The following B4GALNT3 variants were observed in gnomAD, a reference collection of about 807,000 sequenced individuals.
The protein encoded by B4GALNT3 is beta-1,4-N-acetylgalactosaminyltransferase 3.
In B4GALNT3, 86 loss-of-function variants were observed where a neutral mutation model predicts 120.2. The observed-to-expected ratio is 0.72, with a 90% CI of 0.60 to 0.86. The LOEUF (loss-of-function observed/expected upper bound fraction) is 0.86. Ranked by LOEUF, B4GALNT3 falls within the 40% of genes least tolerant of loss-of-function variation. The pLI, the probability that B4GALNT3 is intolerant of heterozygous loss-of-function variation, is 0.00. For synonymous variants in B4GALNT3, 518 were observed against 510.4 expected (o/e 1.01, Z -0.20); for missense variants, 1,167 against 1,298.9 (o/e 0.90, Z 1.56).
intron 1 of B4GALNT3, among the ~76,000 whole-genome samples, chr12:489,858 CG>C (rs1407569283): frequency 1.3e-5 from 2 of 152,148 alleles, no homozygotes; most frequent in African/African-American, 4.8e-5. Context: ...TGACCATATT[CG>C]GGGTGGTAAA....
At chr12:512,803 CCTT>C (rs1161526418) in intron 1 of B4GALNT3, among the ~76,000 whole-genome samples, 4 of 150,150 alleles carry the variant, frequency 2.7e-5, no homozygotes, top group African/African-American at 2.4e-5. Context: ...CCGCCTTCCA[CCTT>C]CTTCCACCTT....
chr12:482,890 CA>C (rs1156555404), intron 1 of B4GALNT3, among the ~76,000 whole-genome samples: 1 of 152,118 alleles, frequency 6.6e-6, no homozygotes, highest in Non-Finnish European at 1.5e-5. Flanking sequence ...AGAAAGTGTA[CA>C]CAGGTGTTAT....
chr12:548,176 T>C lies in B4GALNT3; in HGVS notation c.787-55T>C. 6.2e-7 allele frequency: 1 copy of C among 1,608,490 alleles called. No individual in the cohort carries two copies. The highest frequency in any genetic ancestry group is 2.2e-5 in the East Asian group (1 of 44,854). On this transcript the variant is annotated intron_variant, in intron 8 of 19. Transcript: ENST00000266383. This position sits in a 1 kb window ranked among gnomAD's most constrained non-coding sequence, Gnocchi z 4.9. ...ATCTCCCCTTGTCCCTTGACCCCTG[T>C]TGGAAATCCAGCTACCTCCCACCTT...
chr12:528,495 G>A (rs1946777948), intron 1 of B4GALNT3, among the ~76,000 whole-genome samples: 1 of 152,218 alleles, frequency 6.6e-6, no homozygotes, highest in African/African-American at 2.4e-5. Flanking sequence ...AACCGTTACT[G>A]TTGTATTACT....
At chr12:469,497 AC>A (rs1946114307) in intron 1 of B4GALNT3, among the ~76,000 whole-genome samples, 2 of 152,078 alleles carry the variant, frequency 1.3e-5, no homozygotes, top group South Asian at 4.2e-4. Context: ...TGTGTCCAGT[AC>A]CCCAGCATTA....
At chr12:461,403 T>C (rs1946021396) in intron 1 of B4GALNT3, among the ~76,000 whole-genome samples, 1 of 152,200 alleles carries the variant, frequency 6.6e-6, no homozygotes, top group African/African-American at 2.4e-5. Context: ...TCAATAGGTA[T>C]GGCTGTGCGA....
intron 1 of B4GALNT3, among the ~76,000 whole-genome samples, chr12:494,158 T>C (rs1192708484): frequency 6.6e-6 from 1 of 151,964 alleles, no homozygotes; most frequent in Non-Finnish European, 1.5e-5. Flanking sequence ...TTGTCCCAGC[T>C]ACTCGGGAGG....
At chr12:558,210 C>A (rs1239394075) in intron 17 of B4GALNT3, 122 bp downstream of exon 17, 10 of 1,099,872 alleles carry the variant, frequency 9.1e-6, no homozygotes, top group Non-Finnish European at 1.3e-5. Context: ...CACAGGAGGT[C>A]CTCTCTGCTG....
chr12:535,483 T>C (rs1001916859), intron 2 of B4GALNT3, among the ~76,000 whole-genome samples: 2 of 152,166 alleles, frequency 1.3e-5, no homozygotes, highest in Non-Finnish European at 2.9e-5. Flanking sequence ...AAACTTTTAC[T>C]GGGGCTGCCA....
intron 1 of B4GALNT3, among the ~76,000 whole-genome samples, chr12:510,247 A>G (rs1349779672): frequency 6.6e-6 from 1 of 152,206 alleles, no homozygotes; most frequent in Admixed American, 6.5e-5. Context: ...ATGTAGCAGC[A>G]AGGGGCGGGC....
intron 1 of B4GALNT3, among the ~76,000 whole-genome samples, chr12:496,827 A>G (rs1023689423): frequency 6.6e-6 from 1 of 152,204 alleles, no homozygotes; most frequent in Admixed American, 6.5e-5. Flanking sequence ...TCTTTCACTT[A>G]GCATGACGTT....
chr12:513,366 A>G (rs537323612), intron 1 of B4GALNT3, among the ~76,000 whole-genome samples: 3 of 152,376 alleles, frequency 2.0e-5, no homozygotes, highest in East Asian at 3.9e-4. Context: ...TGCCCATTTT[A>G]TGCTTATTTC....
intron 1 of B4GALNT3, among the ~76,000 whole-genome samples, chr12:515,017 CAAAAA>C (rs1946638785): frequency 6.6e-6 from 1 of 151,880 alleles, no homozygotes; most frequent in Non-Finnish European, 1.5e-5. Flanking sequence ...GGCTCTGTCT[CAAAAA>C]GAAAAGAAAG....
intron 1 of B4GALNT3, among the ~76,000 whole-genome samples, chr12:468,971 G>C (rs964430468): frequency 6.6e-6 from 1 of 152,202 alleles, no homozygotes; most frequent in Non-Finnish European, 1.5e-5. Context: ...GCCGACCAAA[G>C]ACTTTATGTA....
chr12:463,279 A>G (rs1300520660), intron 1 of B4GALNT3, among the ~76,000 whole-genome samples: 1 of 152,186 alleles, frequency 6.6e-6, no homozygotes, highest in Admixed American at 6.5e-5. Context: ...AGGGGAGCAT[A>G]TTTCCTTCTT....
Position 544,986 on chromosome 12 carries a change from C to G in B4GALNT3, c.538+14C>G, listed in dbSNP as rs767005315. The G allele has an allele frequency of 6.2e-7, 1 of 1,612,458 alleles. No individual in the cohort carries two copies. Among genetic ancestry groups the G allele is most frequent in the Non-Finnish European group, 8.5e-7 (1 of 1,178,776 alleles). On this transcript the variant is annotated intron_variant, in intron 5 of 19. Transcript: ENST00000266383. The stretch of plus-strand genomic sequence containing the variant: ...CCTTTACTGATGGTGAGGCCAGCCC[C>G]AAAACCCCATCCTTCTTCCTGCTCT...
At position 553,865 on chromosome 12, in the gene B4GALNT3, C is replaced by G; in HGVS notation, c.1942C>G (p.Leu648Val). 6.2e-7 allele frequency: 1 copy of G among 1,614,238 alleles called. No homozygotes were observed. Among genetic ancestry groups the G allele is most frequent in the Non-Finnish European group, 8.5e-7 (1 of 1,180,030 alleles). ...FSARNLDFQA[L>V]RTDWIDLSCN... ...TGCCCGGAATCTCGACTTCCAAGCC[C>G]TGAGGACTGACTGGATCGATCTGAG... is the stretch of plus-strand genomic sequence containing the variant. The change falls in exon 14 of 20, where the codon CTG (leucine) becomes GTG (valine). Residue 648 changes from leucine to valine, a missense_variant. Transcript: ENST00000266383.
intron 1 of B4GALNT3, among the ~76,000 whole-genome samples, chr12:512,031 C>T (rs1946577745): frequency 6.8e-6 from 1 of 146,312 alleles, no homozygotes; most frequent in African/African-American, 2.6e-5. Flanking sequence ...CTTCCACCTT[C>T]TACCTTCTGC....
At chr12:557,039 C>T (rs1947164465) in intron 15 of B4GALNT3, among the ~76,000 whole-genome samples, 173 bp downstream of exon 15, 1 of 152,172 alleles carries the variant, frequency 6.6e-6, no homozygotes, top group African/African-American at 2.4e-5. Flanking sequence ...GGTTATGTGG[C>T]TAGTAAATGT....
Sources: gnomAD v4.1 joint callset for allele counts (sites outside exome capture counted in the v4.1 genomes callset) on GRCh38, gnomAD v4.1.1 for gene constraint, Gnocchi (gnomAD v3.1) non-coding constraint, MANE v1.5 for transcripts, NCBI Gene and HGNC (gene_info 2026-07-23, HGNC 2026-07-21) for gene names.